The following PSPC1 variants were observed in gnomAD, a reference collection of about 807,000 sequenced individuals.
PSPC1 encodes the protein paraspeckle component 1.
PSPC1 carries 14 observed loss-of-function variants against 51.6 expected under a neutral mutation model. That is an observed-to-expected ratio of 0.27 (90% CI 0.18 to 0.42). The LOEUF (loss-of-function observed/expected upper bound fraction) is 0.42, where lower values mean the gene tolerates loss of function less well. Ranked by LOEUF, PSPC1 falls within the 10% of genes least tolerant of loss-of-function variation. PSPC1 has a pLI of 1.00. For missense variants in PSPC1, 406 were observed against 701.1 expected, an observed-to-expected ratio of 0.58 and a Z score of 4.75; for synonymous variants, 193 against 231.9, an observed-to-expected ratio of 0.83 and a Z score of 1.53.
intron 5 of PSPC1, among the ~76,000 whole-genome samples, chr13:19,730,961 A>AAAAAAAAAAAAAAAAAAAAAAAAAC (rs1441202332): frequency 4.3e-5 from 1 of 23,510 alleles, no homozygotes; most frequent in Non-Finnish European, 1.5e-4. Context: ...AAAAAACAAA[A>AAAAAAAAAAAAAAAAAAAAAAAAAC]AAACAAAAAA....
intron 6 of PSPC1, among the ~76,000 whole-genome samples, chr13:19,693,901 A>G (rs1029630911): frequency 3.9e-5 from 6 of 152,104 alleles, no homozygotes; most frequent in African/African-American, 1.4e-4. Flanking sequence ...AGATGGGCGG[A>G]TCACGAGGTC....
intron 6 of PSPC1, among the ~76,000 whole-genome samples, chr13:19,716,487 C>T (rs1882104885): frequency 6.6e-6 from 1 of 152,124 alleles, no homozygotes; most frequent in Non-Finnish European, 1.5e-5. Context: ...TTAATGGGCA[C>T]AATCAATACT....
chr13:19,702,245 C>A (rs865851401), downstream of PSPC1, among the ~76,000 whole-genome samples: 21 of 152,310 alleles, frequency 1.4e-4, no homozygotes, highest in Middle Eastern at 0.01. Flanking sequence ...ATTTACAACA[C>A]TGCAGAGTCA....
chr13:19,677,232 CAAAAAAA>C (rs144841164), intron 7 of PSPC1, among the ~76,000 whole-genome samples: 1 of 119,170 alleles, frequency 8.4e-6, no homozygotes, highest in Non-Finnish European at 1.8e-5. Context: ...GACTCCGTCT[CAAAAAAA>C]AAAAAAAAAA....
Position 19,772,509 on chromosome 13 carries a change from T to C in PSPC1, c.407A>G (p.Glu136Gly), listed in dbSNP as rs1263061738. The change falls in exon 2 of 9, where the codon GAG becomes GGG. Residue 136 changes from glutamate (E) to glycine (G), a missense_variant. Glu to Gly is a moderately conservative substitution (Grantham distance 98). Coordinates refer to ENST00000338910, the MANE Select transcript of PSPC1 (RefSeq NM_001354909.2). ...GCTCTTGAGAATGGTGCCGTCCAGC[T>C]CTGCTTTTGCAATTTCAGCCAGGGT... The part of the protein sequence containing the change: ...SRTLAEIAKA[E>G]LDGTILKSRP... 2 of 1,607,414 alleles carry C rather than the reference T, an allele frequency of 1.2e-6. No individual in the cohort carries two copies. The highest frequency in any genetic ancestry group is 1.7e-6 in the Non-Finnish European group (2 of 1,175,838).
intron 5 of PSPC1, among the ~76,000 whole-genome samples, chr13:19,734,367 C>T (rs1030083459): frequency 3.3e-5 from 5 of 152,100 alleles, no homozygotes; most frequent in Admixed American, 3.3e-4. Flanking sequence ...ATTTACAGGT[C>T]TCAAATATTC....
intron 2 of PSPC1, among the ~76,000 whole-genome samples, chr13:19,767,677 T>C (rs1888204199): frequency 6.6e-6 from 1 of 151,932 alleles, no homozygotes; most frequent in Non-Finnish European, 1.5e-5. Context: ...GGGGAAATCA[T>C]AAATTTTTTC....
At chr13:19,746,675 T>TG (rs1886025376) in intron 4 of PSPC1, among the ~76,000 whole-genome samples, 1 of 152,238 alleles carries the variant, frequency 6.6e-6, no homozygotes, top group Non-Finnish European at 1.5e-5. Context: ...AACACCAGCC[T>TG]GGGCAACAGA....
rs568022603 is a variant in PSPC1 at position 19,775,812 on chromosome 13, A to G, written c.373-3269T>C. 1.4e-3 allele frequency among the ~76,000 whole-genome samples: 220 copies of G among 152,316 alleles called. 1 individual carries two copies. Among genetic ancestry groups the G allele is most frequent in the African/African-American group, 5.1e-3 (212 of 41,576 alleles). On this transcript the variant is annotated intron_variant, in intron 1 of 8. Transcript: ENST00000338910. ...ACGCCTGTAATCCCAACACTTTGGG[A>G]GGCCGAGGCAGGAGAATCACGAGGT...
intron 2 of PSPC1, among the ~76,000 whole-genome samples, chr13:19,768,222 C>T (rs1888254367): frequency 6.6e-6 from 1 of 150,478 alleles, no homozygotes; most frequent in Non-Finnish European, 1.5e-5. Flanking sequence ...AAGACCGTGT[C>T]CCCCCCCAAA....
chr13:19,713,327 T>C (rs1881672225), intron 6 of PSPC1, among the ~76,000 whole-genome samples: 1 of 152,124 alleles, frequency 6.6e-6, no homozygotes, highest in South Asian at 2.1e-4. Context: ...TTTTACATTA[T>C]TGATTCAACT....
chr13:19,713,506 T>C (rs1287237373), intron 6 of PSPC1, among the ~76,000 whole-genome samples: 1 of 143,808 alleles, frequency 7.0e-6, no homozygotes, highest in African/African-American at 2.6e-5. Flanking sequence ...ATACTTTCAT[T>C]CTTCAAAAAT....
downstream of PSPC1, among the ~76,000 whole-genome samples, chr13:19,698,152 T>C (rs115619003): frequency 5.0e-3 from 758 of 152,122 alleles, 8 homozygotes; most frequent in African/African-American, 0.018. Context: ...TAAAACATAC[T>C]GAATGAATGT....
intron 1 of PSPC1, among the ~76,000 whole-genome samples, chr13:19,779,140 GC>G (rs375176666): frequency 0.09 from 9,618 of 107,042 alleles, 133 homozygotes; most frequent in Admixed American, 0.11. Flanking sequence ...CCTGGCAACC[GC>G]CCCGTCTGAG....
At chr13:19,733,823 C>T (rs1884438589) in intron 5 of PSPC1, among the ~76,000 whole-genome samples, 1 of 150,258 alleles carries the variant, frequency 6.7e-6, no homozygotes, top group Admixed American at 6.6e-5. Context: ...TATGGTGGCA[C>T]ACGCTTGTAG....
Position 19,772,391 on chromosome 13 carries a change from T to C in PSPC1, c.525A>G (p.Ala175=). The C allele has an allele frequency of 1.2e-6, 2 of 1,614,218 alleles. No homozygotes were observed. The highest frequency in any genetic ancestry group is 1.7e-6 in the Non-Finnish European group (2 of 1,180,044). The change falls in exon 2 of 9, where the codon GCA becomes GCG. Residue 175 remains alanine, a synonymous_variant. Coordinates refer to ENST00000338910, the MANE Select transcript of PSPC1 (RefSeq NM_001354909.2). The stretch of plus-strand genomic sequence containing the variant: ...TCTCTACTGGACCAAACTGAGAAAA[T>C]GCTTGCTCTAGCAGCTCATTGGAAA... ...PVVSNELLEQ[A]FSQFGPVEKA... is the part of the protein sequence containing the mutation.
chr13:19,765,929 A>AAAGT (rs1298500593), intron 2 of PSPC1, among the ~76,000 whole-genome samples: 8 of 152,256 alleles, frequency 5.3e-5, no homozygotes, highest in African/African-American at 1.7e-4. Context: ...TTTTTGTCTA[A>AAAGT]AAGTAATCTC....
intron 2 of PSPC1, among the ~76,000 whole-genome samples, chr13:19,763,675 G>A (rs983075345): frequency 6.6e-6 from 1 of 152,160 alleles, no homozygotes; most frequent in African/African-American, 2.4e-5. Flanking sequence ...AGGGCACTTA[G>A]CACAGTTCTT....
intron 6 of PSPC1, among the ~76,000 whole-genome samples, chr13:19,718,912 T>C (rs1882440466): frequency 6.6e-6 from 1 of 152,358 alleles, no homozygotes; most frequent in South Asian, 2.1e-4. Context: ...TATGACATTC[T>C]GGAAAAAACT....
Sources: gnomAD v4.1 joint callset for allele counts (sites outside exome capture counted in the v4.1 genomes callset) on GRCh38, gnomAD v4.1.1 for gene constraint, MANE v1.5 for transcripts, NCBI Gene and HGNC (gene_info 2026-07-23, HGNC 2026-07-21) for gene names.